Variants in OXTR observed in about 807,000 individuals in gnomAD.
OXTR encodes oxytocin receptor.
Under a neutral mutation model 23.9 loss-of-function variants are expected in OXTR, and 19 were observed. The observed-to-expected ratio is 0.80, with a 90% CI of 0.56 to 1.17. The LOEUF is 1.17. Among genes scored for constraint, OXTR ranks in the 50% most tolerant of loss-of-function variants. The probability of loss-of-function intolerance (pLI) is 0.00; values close to 1 mark genes in which losing one functional copy is unlikely to be tolerated. For synonymous variants in OXTR, 278 were observed against 250.5 expected, an observed-to-expected ratio of 1.11 and a Z score of -1.04; for missense variants, 500 against 550.7, an observed-to-expected ratio of 0.91 and a Z score of 0.92.
At position 8,752,324 on chromosome 3, in the gene OXTR, CT is replaced by C. The variant is rs1708280184; in HGVS notation, c.*652del. ...TCATCTGCAAATAGTTTTACTTCTT[CT>C]TTTCCTATCTGGATACATTTATTTC... On this transcript the variant is annotated 3_prime_UTR_variant, in exon 4 of 4. Coordinates refer to ENST00000316793, the MANE Select transcript of OXTR (RefSeq NM_000916.4). The C allele has an allele frequency of 6.6e-6, 1 of 152,196 alleles. No individual in the cohort carries two copies. The highest frequency in any genetic ancestry group is 1.5e-5 in the Non-Finnish European group (1 of 68,054). The allele number at this position is 152,196 out of a possible 1,614,324, so 9.4% of individuals were successfully genotyped here.
chr3:8,759,918 C>A (rs867898217), intron 3 of OXTR, among the ~76,000 whole-genome samples: 2 of 152,176 alleles, frequency 1.3e-5, no homozygotes, highest in African/African-American at 2.4e-5. Context: ...ATACCTTAGA[C>A]AAGACCCAGC....
At chr3:8,745,382 G>T, downstream of OXTR, 1 of 671,292 alleles carries the variant, frequency 1.5e-6, no homozygotes, top group Non-Finnish European at 2.7e-6. This position sits in a 1 kb window ranked among gnomAD's most constrained non-coding sequence, Gnocchi z 4.8. Flanking sequence ...TTAAAGCAAT[G>T]CAAGAATAGC....
chr3:8,762,506 C>T (rs1181648233), intron 3 of OXTR, among the ~76,000 whole-genome samples: 1 of 152,144 alleles, frequency 6.6e-6, no homozygotes, highest in Non-Finnish European at 1.5e-5. Context: ...CCAGAAGGGC[C>T]GAGCTTGTGC....
chr3:8,745,661 C>G (rs1467085320), downstream of OXTR: 11 of 1,614,078 alleles, frequency 6.8e-6, no homozygotes, highest in Non-Finnish European at 8.5e-6. This position sits in a 1 kb window ranked among gnomAD's most constrained non-coding sequence, Gnocchi z 4.8. Flanking sequence ...GGGCGTCCCA[C>G]TGGCCCTGCT....
rs35961623 is a variant in OXTR at position 8,758,158 on chromosome 3, A to C, written c.923-4934T>G. Among the ~76,000 whole-genome samples the C allele has an allele frequency of 6.3e-4, 96 of 152,132 alleles. 1 individual carries two copies. In the East Asian group the frequency reaches 0.017, roughly 27 times the overall value. On this transcript the variant is annotated intron_variant, in intron 3 of 3. Transcript: ENST00000316793. ...GCATTTCTACTTGGCACCATGATTCATGGAGGGGTGGGAGGCAGAGGTCCA... is the reference window on the plus strand; with the variant it reads ...GCATTTCTACTTGGCACCATGATTCCTGGAGGGGTGGGAGGCAGAGGTCCA...
chr3:8,745,903 G>C, downstream of OXTR: 1 of 1,571,948 alleles, frequency 6.4e-7, no homozygotes, highest in Non-Finnish European at 8.7e-7. The surrounding 1 kb of genome is among the most constrained non-coding windows in gnomAD (Gnocchi z 4.8). Flanking sequence ...AGGGCAGGGG[G>C]TGGTGGGCCA....
At chr3:8,765,202 G>A (rs950500712) in intron 3 of OXTR, among the ~76,000 whole-genome samples, 3 of 152,174 alleles carry the variant, frequency 2.0e-5, no homozygotes, top group South Asian at 4.1e-4. Context: ...TCTAAACTTC[G>A]CTTCACGGTA....
At chr3:8,764,807 G>A (rs1708568839) in intron 3 of OXTR, among the ~76,000 whole-genome samples, 1 of 152,156 alleles carries the variant, frequency 6.6e-6, no homozygotes, top group Non-Finnish European at 1.5e-5. Flanking sequence ...CAGCGGGGAG[G>A]TCCCGGCTGC....
At chr3:8,747,572 AAGTTAC>A (rs533399380), downstream of OXTR, among the ~76,000 whole-genome samples, 1 of 152,194 alleles carries the variant, frequency 6.6e-6, no homozygotes, top group Non-Finnish European at 1.5e-5. Flanking sequence ...GCAGATGAGA[AAGTTAC>A]AGTCCAGAGA....
chr3:8,742,221 C>T, the OXTR span, among the ~76,000 whole-genome samples: 2 of 152,086 alleles, frequency 1.3e-5, no homozygotes, highest in Non-Finnish European at 2.9e-5. Context: ...GAACAGCTGC[C>T]TCCTCCAAGC....
Position 8,767,609 on chromosome 3 carries a change from CTGGA to C in OXTR, c.575_578del (p.Ile192SerfsTer14). 6.2e-7 allele frequency: 1 copy of C among 1,613,386 alleles called. No individual in the cohort carries two copies. The highest frequency in any genetic ancestry group is 8.5e-7 in the Non-Finnish European group (1 of 1,179,784). On this transcript the variant is annotated frameshift_variant, in exon 3 of 4. Coordinates refer to ENST00000316793, the MANE Select transcript of OXTR (RefSeq NM_000916.4). LOFTEE classifies it high-confidence loss of function. ...TGATGTAGGCCTTGGGTCCCCAGGG[CTGGA>C]TGAAGACGGCCCAGCAGTCGAAGAC...
At position 8,769,477 on chromosome 3, in the gene OXTR, A is replaced by T. The variant is rs968389; in HGVS notation, c.-485T>A. 1 of 152,180 alleles carries T rather than the reference A, an allele frequency of 6.6e-6. No homozygotes were observed. The highest frequency in any genetic ancestry group is 1.9e-4 in the East Asian group (1 of 5,180). 9.4% of individuals were successfully genotyped at this position (152,180 alleles called of 1,614,324 possible). ...CGCCTCCCAGGCTGCGCGCGCGGAC[A>T]GCGTCTGGATGCGGCGCTGTGCGCT... On this transcript the variant is annotated 5_prime_UTR_variant, in exon 1 of 4. Transcript: ENST00000316793.
At chr3:8,764,914 T>C (rs892207792) in intron 3 of OXTR, among the ~76,000 whole-genome samples, 1 of 152,204 alleles carries the variant, frequency 6.6e-6, no homozygotes, top group Admixed American at 6.5e-5. Context: ...GGGTTTTTCA[T>C]GCAACACCCA....
chr3:8,768,490 A>C lies in OXTR; in HGVS notation c.-143+6T>G, dbSNP rs2125008874. 1 of 292,016 alleles carries C rather than the reference A, an allele frequency of 3.4e-6. No homozygotes were observed. Among genetic ancestry groups the C allele is most frequent in the South Asian group, 1.6e-4 (1 of 6,102 alleles). 18.1% of individuals were successfully genotyped at this position (292,016 alleles called of 1,614,324 possible). A position where few individuals can be genotyped will look rare whatever the true frequency, so the allele number is the denominator to read the frequency against. On this transcript the variant is annotated splice_donor_region_variant and intron_variant, in intron 2 of 3. Coordinates refer to ENST00000316793, the MANE Select transcript of OXTR (RefSeq NM_000916.4). The surrounding 1 kb of genome is among the most constrained non-coding windows in gnomAD (Gnocchi z 5.4). ...CCGCCACCCCAGAAATCCCCGTTGGAGGTACCTCCTCTGAGCCACTGCAAA... is the reference window on the plus strand; with the variant it reads ...CCGCCACCCCAGAAATCCCCGTTGGCGGTACCTCCTCTGAGCCACTGCAAA...
intron 3 of OXTR, among the ~76,000 whole-genome samples, chr3:8,763,501 C>CA (rs1559675704): frequency 1.3e-5 from 2 of 152,206 alleles, no homozygotes; most frequent in African/African-American, 4.8e-5. Flanking sequence ...CCCACTCTAC[C>CA]AAACTCCCTC....
the OXTR span, among the ~76,000 whole-genome samples, chr3:8,744,371 C>T: frequency 4.0e-5 from 6 of 151,360 alleles, no homozygotes; most frequent in Admixed American, 1.3e-4. Flanking sequence ...CCCCGCCTCC[C>T]GGGTTTATGC....
rs945033861 is a variant in OXTR at position 8,758,546 on chromosome 3, T to C, written c.923-5322A>G. ...GGGAACAAAACTATGGAAGGCCCTTTCTTAAGAAAATGATTTTTGAATGTA... is the reference window on the plus strand; with the variant it reads ...GGGAACAAAACTATGGAAGGCCCTTCCTTAAGAAAATGATTTTTGAATGTA... On this transcript the variant is annotated intron_variant, in intron 3 of 3. Transcript: ENST00000316793. Among the ~76,000 whole-genome samples the C allele has an allele frequency of 2.0e-5, 3 of 152,184 alleles. No homozygotes were observed. The South Asian group carries it at 6.2e-4, about 32-fold the overall frequency.
chr3:8,748,324 G>A (rs984556281), downstream of OXTR, among the ~76,000 whole-genome samples: 3 of 152,208 alleles, frequency 2.0e-5, no homozygotes, highest in African/African-American at 7.2e-5. Flanking sequence ...TTCCACTGTG[G>A]TTCAGAGCAG....
Position 8,768,103 on chromosome 3 carries a change from C to G in OXTR, c.85G>C (p.Ala29Pro), listed in dbSNP as rs766535249. ...APPGAEGNRTAGPPRRNEALA... is the reference protein window; with the variant it reads ...APPGAEGNRTPGPPRRNEALA... ...GCCTCGTTGCGCCGCGGGGGTCCGG[C>G]GGTGCGGTTGCCCTCGGCCCCCGGC... The change falls in exon 3 of 4, where the codon GCC (alanine) becomes CCC (proline). Residue 29 changes from alanine to proline, a missense_variant. Ala to Pro is a conservative substitution (Grantham distance 27). Coordinates refer to ENST00000316793, the MANE Select transcript of OXTR (RefSeq NM_000916.4). The surrounding 1 kb of genome is among the most constrained non-coding windows in gnomAD (Gnocchi z 5.4). The G allele has an allele frequency of 7.0e-7, 1 of 1,427,798 alleles. No homozygotes were observed. The highest frequency in any genetic ancestry group is 9.2e-7 in the Non-Finnish European group (1 of 1,092,792). The allele number at this position is 1,427,798 out of a possible 1,614,324, so 88.4% of individuals were successfully genotyped here.
Sources: allele counts gnomAD v4.1 joint callset (sites outside exome capture counted in the v4.1 genomes callset), GRCh38; gene constraint gnomAD v4.1.1; non-coding constraint Gnocchi (gnomAD v3.1); transcripts MANE v1.5; gene names NCBI Gene and HGNC (gene_info 2026-07-23, HGNC 2026-07-21).